The following PHLPP1 variants were observed in gnomAD, a reference collection of about 807,000 sequenced individuals.
PHLPP1 encodes PH domain leucine-rich repeat-containing protein phosphatase 1.
A neutral mutation model predicts 117.2 loss-of-function variants in PHLPP1; 42 were observed. The observed-to-expected ratio is 0.36, with a 90% CI of 0.28 to 0.46. The LOEUF is 0.46. Ranked by LOEUF, PHLPP1 falls within the 20% of genes least tolerant of loss-of-function variation. The pLI is 1.00. For missense variants in PHLPP1, 2,084 were observed against 2,241.9 expected, an observed-to-expected ratio of 0.93 and a Z score of 1.42; for synonymous variants, 1,042 against 970.7, an observed-to-expected ratio of 1.07 and a Z score of -1.37.
chr18:62,916,946 G>T (rs1909300649), intron 9 of PHLPP1, among the ~76,000 whole-genome samples: 1 of 149,740 alleles, frequency 6.7e-6, no homozygotes, highest in Non-Finnish European at 1.5e-5. Context: ...TAGAGACGGG[G>T]TTTCACTATG....
At chr18:62,793,985 T>C (rs1355831447) in intron 1 of PHLPP1, among the ~76,000 whole-genome samples, 3 of 152,232 alleles carry the variant, frequency 2.0e-5, no homozygotes, top group Non-Finnish European at 2.9e-5. Flanking sequence ...TATCCACATA[T>C]ATAGTGACCT....
At position 62,822,279 on chromosome 18, in the gene PHLPP1, TG is replaced by T. The variant is rs1267429212; in HGVS notation, c.1577-7755del. On this transcript the variant is annotated intron_variant, in intron 1 of 16. Coordinates refer to ENST00000262719, the MANE Select transcript of PHLPP1 (RefSeq NM_194449.4). ...TAGAAAATAGTGTTTTTTTTTTTTT[TG>T]TTTTTGTTTTTTTTTTTTTGAGACA... Among the ~76,000 whole-genome samples the T allele has an allele frequency of 3.6e-4, 52 of 142,976 alleles. 2 individuals carry two copies. The highest frequency in any genetic ancestry group is 4.7e-4 in the Non-Finnish European group (31 of 65,382). 93.8% of individuals were successfully genotyped at this position (142,976 alleles called of 152,430 possible).
chr18:62,892,246 G>T (rs1015725552), intron 4 of PHLPP1, among the ~76,000 whole-genome samples: 3 of 151,358 alleles, frequency 2.0e-5, no homozygotes, highest in African/African-American at 7.3e-5. Context: ...ACACCACCAC[G>T]CCCAGCTAAT....
intron 1 of PHLPP1, among the ~76,000 whole-genome samples, chr18:62,770,249 T>G (rs974099339): frequency 6.6e-6 from 1 of 152,310 alleles, no homozygotes; most frequent in East Asian, 1.9e-4. Flanking sequence ...TAGCTGGGAT[T>G]ACAGGCATGC....
intron 1 of PHLPP1, among the ~76,000 whole-genome samples, chr18:62,792,572 CT>C (rs1913492306): frequency 6.6e-6 from 1 of 152,120 alleles, no homozygotes; most frequent in Non-Finnish European, 1.5e-5. Context: ...CATTGATAAA[CT>C]TTAAAAATGT....
intron 3 of PHLPP1, among the ~76,000 whole-genome samples, chr18:62,855,702 G>A (rs763235521): frequency 2.2e-4 from 34 of 152,118 alleles, no homozygotes; most frequent in Admixed American, 1.0e-3. Flanking sequence ...AACAGCTTAC[G>A]GTCTAGAAGG....
At chr18:62,821,549 C>A (rs9962769) in intron 1 of PHLPP1, among the ~76,000 whole-genome samples, 127,012 of 129,878 alleles carry the variant, frequency 0.98, 62,091 homozygotes, top group Admixed American at 0.99. Context: ...ACCCTTTATC[C>A]AAAAAAAAAA....
intron 1 of PHLPP1, chr18:62,826,158 G>GTTT (rs35765989): frequency 5.0e-4 from 139 of 276,976 alleles, no homozygotes; most frequent in South Asian, 9.9e-4. Flanking sequence ...TTATTTATTT[G>GTTT]TTTTTTTTTT....
At chr18:62,949,176 C>A (rs906789285) in intron 12 of PHLPP1, among the ~76,000 whole-genome samples, 1 of 152,210 alleles carries the variant, frequency 6.6e-6, no homozygotes, top group East Asian at 1.9e-4. Flanking sequence ...AAAAACTTAG[C>A]AGATAACATT....
chr18:62,905,390 TA>T, intron 8 of PHLPP1, 106 bp downstream of exon 8: 1 of 467,926 alleles, frequency 2.1e-6, no homozygotes, highest in East Asian at 3.5e-5. Flanking sequence ...AGGTAAATGC[TA>T]AAAAATTAAT....
chr18:62,844,507 C>A (rs898328601), intron 3 of PHLPP1, among the ~76,000 whole-genome samples: 1 of 152,158 alleles, frequency 6.6e-6, no homozygotes, highest in Non-Finnish European at 1.5e-5. Flanking sequence ...CCCCCACACA[C>A]CTGTGACCTG....
At chr18:62,787,103 T>C (rs1913312559) in intron 1 of PHLPP1, among the ~76,000 whole-genome samples, 1 of 152,178 alleles carries the variant, frequency 6.6e-6, no homozygotes, top group South Asian at 2.1e-4. Flanking sequence ...AATTCAATTT[T>C]CTCTGGAATT....
At position 62,717,014 on chromosome 18, in the gene PHLPP1, C is replaced by T. The variant is rs995670806; in HGVS notation, c.1331C>T (p.Ala444Val). 6 of 1,544,164 alleles carry T rather than the reference C, an allele frequency of 3.9e-6. No homozygotes were observed. The African/African-American group carries it at 8.2e-5, about 21-fold the overall frequency. Reference sequence around the variant, plus strand: ...GAGGAGAAGGCAGCGGCAGCCGTGGCCCCGGGAGGCCTCCAGTCTACCCCC... The same window carrying T: ...GAGGAGAAGGCAGCGGCAGCCGTGGTCCCGGGAGGCCTCCAGTCTACCCCC... ...SCEEKAAAAV[A>V]PGGLQSTPGR... The change falls in exon 1 of 17, where the codon GCC becomes GTC. Residue 444 changes from alanine (A) to valine (V), a missense_variant. By Grantham distance (64) the Ala-to-Val change is moderately conservative. Around this residue, in one of 2 missense-constraint regions of PHLPP1, gnomAD observed 719 missense variants for 636.0 expected, o/e 1.13. Coordinates refer to ENST00000262719, the MANE Select transcript of PHLPP1 (RefSeq NM_194449.4).
At chr18:62,820,623 T>A (rs1914423789) in intron 1 of PHLPP1, among the ~76,000 whole-genome samples, 1 of 152,226 alleles carries the variant, frequency 6.6e-6, no homozygotes, top group South Asian at 2.1e-4. Flanking sequence ...TTCTCCTTCC[T>A]GCCACCTTGT....
chr18:62,754,019 C>T (rs1911937411), intron 1 of PHLPP1, among the ~76,000 whole-genome samples: 2 of 152,160 alleles, frequency 1.3e-5, no homozygotes, highest in Non-Finnish European at 2.9e-5. Context: ...TTTTGTTACA[C>T]CCATGTAACT....
At chr18:62,736,990 A>T (rs1911387046) in intron 1 of PHLPP1, among the ~76,000 whole-genome samples, 1 of 152,176 alleles carries the variant, frequency 6.6e-6, no homozygotes, top group Admixed American at 6.5e-5. Flanking sequence ...AGCTCTTAGG[A>T]TGTATGTCTT....
chr18:62,870,593 G>GT (rs1915879833), intron 4 of PHLPP1, among the ~76,000 whole-genome samples: 1 of 152,182 alleles, frequency 6.6e-6, no homozygotes, highest in Non-Finnish European at 1.5e-5. Context: ...AAGGAATTAA[G>GT]TTTTAGGTTA....
At position 62,850,298 on chromosome 18, in the gene PHLPP1, G is replaced by A. The variant is rs190662702; in HGVS notation, c.1900-10137G>A. ...AGCTACTCAGGAGGCTGAGGCAGGAGAATTGCTTGAACTCGGAAGGTGGAG... is the reference window on the plus strand; with the variant it reads ...AGCTACTCAGGAGGCTGAGGCAGGAAAATTGCTTGAACTCGGAAGGTGGAG... On this transcript the variant is annotated intron_variant, in intron 3 of 16. Transcript: ENST00000262719. Among the ~76,000 whole-genome samples the A allele has an allele frequency of 1.0e-3, 145 of 145,578 alleles. 2 individuals carry two copies. In the East Asian group the frequency reaches 0.026, roughly 27 times the overall value.
At chr18:62,767,386 C>T (rs1292670198) in intron 1 of PHLPP1, among the ~76,000 whole-genome samples, 6 of 152,300 alleles carry the variant, frequency 3.9e-5, no homozygotes, top group Admixed American at 3.9e-4. Context: ...CCTGCAACCA[C>T]TTGAGAAAGT....
Sources: allele counts gnomAD v4.1 joint callset (sites outside exome capture counted in the v4.1 genomes callset), GRCh38; gene constraint gnomAD v4.1.1; regional missense constraint gnomAD v4.1.1; transcripts MANE v1.5; gene names NCBI Gene and HGNC (gene_info 2026-07-23, HGNC 2026-07-21).